SIK3: variants seen among roughly 807,000 people sequenced by gnomAD.
SIK3 encodes the protein serine/threonine-protein kinase SIK3.
A neutral mutation model predicts 144.2 loss-of-function variants in SIK3; 28 were observed. The ratio of observed to expected loss-of-function variants is 0.19; its 90% CI spans 0.14 to 0.27. The LOEUF (loss-of-function observed/expected upper bound fraction) is 0.27. Ranked by LOEUF, SIK3 falls within the 10% of genes least tolerant of loss-of-function variation. SIK3 has a pLI of 1.00. For synonymous variants in SIK3, 686 were observed against 676.3 expected (o/e 1.01, Z -0.22); for missense variants, 1,319 against 1,776.0 (o/e 0.74, Z 4.62).
intron 1 of SIK3, among the ~76,000 whole-genome samples, chr11:117,001,733 G>C (rs1591513817): frequency 6.6e-6 from 1 of 152,076 alleles, no homozygotes; most frequent in African/African-American, 2.4e-5. Context: ...TAAAATTACA[G>C]GCATGAACCA....
chr11:116,987,653 T>G (rs867978515), intron 1 of SIK3, among the ~76,000 whole-genome samples: 6 of 152,284 alleles, frequency 3.9e-5, no homozygotes, highest in Middle Eastern at 3.4e-3. Flanking sequence ...AAACTACGCT[T>G]TAGATAAAGA....
At chr11:116,907,958 G>A (rs1946132123) in intron 4 of SIK3, among the ~76,000 whole-genome samples, 1 of 147,676 alleles carries the variant, frequency 6.8e-6, no homozygotes, top group Non-Finnish European at 1.5e-5. Context: ...TAGCCCTAAT[G>A]TGAAAGGTAA....
intron 4 of SIK3, among the ~76,000 whole-genome samples, chr11:116,900,544 G>T (rs1945678009): frequency 6.6e-6 from 1 of 152,064 alleles, no homozygotes; most frequent in Non-Finnish European, 1.5e-5. Flanking sequence ...GTCATTTAAG[G>T]CCCTTCACAA....
At chr11:116,921,289 G>C (rs1946957546) in intron 4 of SIK3, among the ~76,000 whole-genome samples, 1 of 152,164 alleles carries the variant, frequency 6.6e-6, no homozygotes, top group African/African-American at 2.4e-5. Flanking sequence ...ATGTAAAAAT[G>C]CTTTGTGAAG....
intron 1 of SIK3, among the ~76,000 whole-genome samples, chr11:116,966,285 C>A (rs1949545464): frequency 6.6e-6 from 1 of 152,118 alleles, no homozygotes. Context: ...AGTCCTAGTA[C>A]TCAGGAGACT....
chr11:116,942,987 C>T (rs1948393671), intron 3 of SIK3, among the ~76,000 whole-genome samples: 1 of 152,030 alleles, frequency 6.6e-6, no homozygotes, highest in African/African-American at 2.4e-5. Context: ...GTGATCTTAG[C>T]AAGACATGAT....
At chr11:116,987,276 C>A (rs1364887090) in intron 1 of SIK3, among the ~76,000 whole-genome samples, 1 of 148,182 alleles carries the variant, frequency 6.7e-6, no homozygotes, top group Non-Finnish European at 1.5e-5. Flanking sequence ...AATTCCTGGC[C>A]AGCATCTAAG....
intron 14 of SIK3, chr11:116,869,698 C>A (rs752506074): frequency 6.4e-6 from 1 of 157,096 alleles, no homozygotes; most frequent in Non-Finnish European, 1.4e-5. Flanking sequence ...CCAGGGCTAA[C>A]GGAACTGAGG....
At chr11:116,851,325 G>T (rs10047462) in intron 21 of SIK3, among the ~76,000 whole-genome samples, 131,769 of 152,202 alleles carry the variant, frequency 0.87, 57,767 homozygotes, top group African/African-American at 0.92. Context: ...TAAAACAAAA[G>T]CTCTTAATAG....
At chr11:117,078,386 G>A (rs1234009904) in intron 1 of SIK3, among the ~76,000 whole-genome samples, 1 of 151,684 alleles carries the variant, frequency 6.6e-6, no homozygotes. Context: ...GGAGGATCAA[G>A]GTGGCTAAAC....
chr11:117,003,909 AAAAC>A (rs765287833), intron 1 of SIK3, among the ~76,000 whole-genome samples: 8 of 152,210 alleles, frequency 5.3e-5, no homozygotes, highest in Non-Finnish European at 1.0e-4. Context: ...GAGAAATGTT[AAAAC>A]AAACAAACAA....
chr11:117,056,678 G>GA (rs1565601611), intron 1 of SIK3, among the ~76,000 whole-genome samples: 1 of 152,006 alleles, frequency 6.6e-6, no homozygotes, highest in Non-Finnish European at 1.5e-5. Context: ...ACCTGCTAAC[G>GA]AAAGTATAAA....
intron 1 of SIK3, among the ~76,000 whole-genome samples, chr11:116,987,446 C>CA (rs1950362830): frequency 6.6e-6 from 1 of 151,326 alleles, no homozygotes; most frequent in East Asian, 1.9e-4. Flanking sequence ...GAAATAAATA[C>CA]AAAAATAACT....
chr11:117,087,972 G>A (rs1288427771), intron 1 of SIK3, among the ~76,000 whole-genome samples: 4 of 152,294 alleles, frequency 2.6e-5, no homozygotes, highest in Admixed American at 1.3e-4. Flanking sequence ...GCTCACACCC[G>A]TAATCCCAAC....
At chr11:116,860,767 T>A (rs1044305643) in intron 19 of SIK3, among the ~76,000 whole-genome samples, 1 of 152,168 alleles carries the variant, frequency 6.6e-6, no homozygotes, top group East Asian at 1.9e-4. Flanking sequence ...GTAGTCCCCA[T>A]GTGTCAAGGG....
At chr11:117,047,663 G>A (rs1953030589) in intron 1 of SIK3, among the ~76,000 whole-genome samples, 1 of 152,124 alleles carries the variant, frequency 6.6e-6, no homozygotes, top group Non-Finnish European at 1.5e-5. Flanking sequence ...ATAGTTCAGG[G>A]CCAGATGTGG....
chr11:116,933,882 T>C (rs548833959), intron 3 of SIK3, among the ~76,000 whole-genome samples: 7 of 152,216 alleles, frequency 4.6e-5, no homozygotes, highest in Non-Finnish European at 1.0e-4. Context: ...GGCTCTTTTG[T>C]TCTACTATAA....
At chr11:116,915,382 G>A (rs908300249) in intron 4 of SIK3, among the ~76,000 whole-genome samples, 1 of 152,060 alleles carries the variant, frequency 6.6e-6, no homozygotes, top group African/African-American at 2.4e-5. Context: ...CTAGGATTTG[G>A]AACACTTACA....
At chr11:117,064,648 G>A (rs1489202156) in intron 1 of SIK3, among the ~76,000 whole-genome samples, 1 of 151,980 alleles carries the variant, frequency 6.6e-6, no homozygotes, top group Non-Finnish European at 1.5e-5. Flanking sequence ...TACCTACAAC[G>A]GCTGCTTTTT....
Sources: allele counts gnomAD v4.1 joint callset (sites outside exome capture counted in the v4.1 genomes callset), GRCh38; gene constraint gnomAD v4.1.1; transcripts MANE v1.5; gene names NCBI Gene and HGNC (gene_info 2026-07-23, HGNC 2026-07-21).